The following TGFBR3 variants were observed in gnomAD, a reference collection of about 807,000 sequenced individuals.
TGFBR3 encodes the protein transforming growth factor beta receptor 3.
Under a neutral mutation model 87.9 loss-of-function variants are expected in TGFBR3, and 46 were observed. The ratio of observed to expected loss-of-function variants is 0.52; its 90% CI spans 0.41 to 0.67. The LOEUF is 0.67. Ranked by LOEUF, TGFBR3 falls within the 30% of genes least tolerant of loss-of-function variation. The pLI is 0.00. For synonymous variants in TGFBR3, 381 were observed against 391.6 expected, an observed-to-expected ratio of 0.97 and a Z score of 0.32; for missense variants, 866 against 1,041.9, an observed-to-expected ratio of 0.83 and a Z score of 2.32.
chr1:91,753,390 CAAAAAAAA>C (rs71586711), intron 4 of TGFBR3, among the ~76,000 whole-genome samples: 11 of 52,354 alleles, frequency 2.1e-4, no homozygotes, highest in African/African-American at 8.0e-4. Context: ...ACTCTGTCCT[CAAAAAAAA>C]AAAAAAAAAA....
intron 2 of TGFBR3, among the ~76,000 whole-genome samples, chr1:91,852,333 T>C (rs1297941381): frequency 1.3e-5 from 2 of 152,204 alleles, no homozygotes; most frequent in East Asian, 3.9e-4. Flanking sequence ...AAGGGAATCT[T>C]TGAGAAATGA....
At chr1:91,802,903 C>G (rs933440201) in intron 2 of TGFBR3, among the ~76,000 whole-genome samples, 14 of 152,102 alleles carry the variant, frequency 9.2e-5, no homozygotes, top group African/African-American at 3.4e-4. Flanking sequence ...TGGATTCTCT[C>G]TCTGGCCACT....
intron 12 of TGFBR3, among the ~76,000 whole-genome samples, chr1:91,713,699 A>G (rs11165307): frequency 0.38 from 57,144 of 152,064 alleles, 11,185 homozygotes; most frequent in Non-Finnish European, 0.44. Flanking sequence ...CAACAGTGAA[A>G]ATGCTAATGA....
intron 2 of TGFBR3, among the ~76,000 whole-genome samples, chr1:91,851,124 A>G (rs1677713410): frequency 6.6e-6 from 1 of 152,164 alleles, no homozygotes; most frequent in African/African-American, 2.4e-5. Context: ...AAAATTTTCC[A>G]CATTACACTG....
chr1:91,859,436 G>T (rs2101183670), intron 2 of TGFBR3, among the ~76,000 whole-genome samples: 1 of 149,914 alleles, frequency 6.7e-6, no homozygotes, highest in South Asian at 2.1e-4. Context: ...GTGGGGGTGG[G>T]GGGGTGCATT....
At chr1:91,869,770 G>C (rs1400694055) in intron 1 of TGFBR3, among the ~76,000 whole-genome samples, 1 of 152,220 alleles carries the variant, frequency 6.6e-6, no homozygotes, top group Non-Finnish European at 1.5e-5. Flanking sequence ...AGGAAAAGGA[G>C]GCAGGAGTGC....
At chr1:91,712,609 AC>A in intron 12 of TGFBR3, 67 bp from the exon 13 acceptor site, 1 of 1,488,338 alleles carries the variant, frequency 6.7e-7, no homozygotes, top group Non-Finnish European at 9.3e-7. Context: ...AGGCACAAGG[AC>A]CATATGCCAA....
chr1:91,903,138 A>G (rs1679768502), intron 1 of TGFBR3, among the ~76,000 whole-genome samples: 1 of 151,308 alleles, frequency 6.6e-6, no homozygotes, highest in Non-Finnish European at 1.5e-5. Flanking sequence ...TGGGAGTTTG[A>G]GACCGGCCTG....
intron 4 of TGFBR3, among the ~76,000 whole-genome samples, chr1:91,753,853 T>C (rs1012904721): frequency 2.0e-5 from 3 of 152,230 alleles, no homozygotes; most frequent in Non-Finnish European, 4.4e-5. Flanking sequence ...CATCTGTTGG[T>C]AGACATTTGG....
At chr1:91,763,541 C>T (rs1674053065) in intron 3 of TGFBR3, among the ~76,000 whole-genome samples, 2 of 152,168 alleles carry the variant, frequency 1.3e-5, no homozygotes, top group South Asian at 4.1e-4. Context: ...AACCAAGACC[C>T]ATAAAATCAC....
At position 91,716,377 on chromosome 1, in the gene TGFBR3, C is replaced by A; in HGVS notation, c.1725G>T (p.Gln575His). Residue 575 changes from glutamine to histidine, a missense_variant, in exon 12 of 17, where the codon CAG (glutamine) becomes CAT (histidine). Transcript: ENST00000212355. Reference sequence around the variant, plus strand: ...GGAAGCTGCTGGGGTTCCTCACCTGCTGAAGGCTGCAATTAAACTGGAAAT... The same window carrying A: ...GGAAGCTGCTGGGGTTCCTCACCTGATGAAGGCTGCAATTAAACTGGAAAT... ...PEIVVFNCSLQQVRNPSSFQE... is the reference protein window; with the variant it reads ...PEIVVFNCSLHQVRNPSSFQE... The A allele has an allele frequency of 6.2e-7, 1 of 1,614,138 alleles. No homozygotes were observed. Among genetic ancestry groups the A allele is most frequent in the Non-Finnish European group, 8.5e-7 (1 of 1,180,012 alleles).
chr1:91,776,328 A>C (rs936154424), intron 3 of TGFBR3, among the ~76,000 whole-genome samples: 1 of 152,246 alleles, frequency 6.6e-6, no homozygotes, highest in African/African-American at 2.4e-5. Flanking sequence ...ACACATTACA[A>C]ACAGGTGCTT....
At chr1:91,818,302 T>A (rs1460175026) in intron 2 of TGFBR3, among the ~76,000 whole-genome samples, 2 of 35,168 alleles carry the variant, frequency 5.7e-5, no homozygotes, top group Admixed American at 2.5e-4. Flanking sequence ...TTTTTTTTTT[T>A]TTTTTTTTTT....
rs961192514 is a variant in TGFBR3, at chr1:91,864,438, T to C, written c.-113-2794A>G. 2.6e-5 allele frequency among the ~76,000 whole-genome samples: 4 copies of C among 152,234 alleles called. No homozygotes were observed. The South Asian group carries it at 6.2e-4, about 24-fold the overall frequency. The stretch of plus-strand genomic sequence containing the variant: ...CAAACCACAGCAAGTTTACACCGGA[T>C]CTTAAAACATCTCTGAGGAAGTCCT... On this transcript the variant is annotated intron_variant, in intron 1 of 16. Coordinates refer to ENST00000212355, the MANE Select transcript of TGFBR3 (RefSeq NM_003243.5).
chr1:91,703,039 C>T (rs889454938), intron 14 of TGFBR3, among the ~76,000 whole-genome samples: 23 of 152,032 alleles, frequency 1.5e-4, no homozygotes, highest in African/African-American at 5.5e-4. Context: ...AATGAAACTC[C>T]TTCTCAAAAT....
intron 2 of TGFBR3, among the ~76,000 whole-genome samples, chr1:91,892,244 T>C (rs1312585295): frequency 6.6e-6 from 1 of 152,008 alleles, no homozygotes; most frequent in Non-Finnish European, 1.5e-5. Flanking sequence ...ATCCCTGTGG[T>C]CTTAGCTCCT....
intron 3 of TGFBR3, among the ~76,000 whole-genome samples, chr1:91,778,855 AAG>A (rs1245854393): frequency 2.0e-5 from 3 of 152,206 alleles, no homozygotes; most frequent in Non-Finnish European, 4.4e-5. Context: ...AAAACAGTAA[AAG>A]AGAGTGTGTC....
chr1:91,753,302 A>G (rs1215480245), intron 4 of TGFBR3, among the ~76,000 whole-genome samples: 1 of 143,740 alleles, frequency 7.0e-6, no homozygotes, highest in East Asian at 2.2e-4. Flanking sequence ...AGGCAGGAGG[A>G]TCGCTTGAGC....
chr1:91,681,747 AC>A lies in TGFBR3; in HGVS notation c.*1991del, dbSNP rs1670915630. On this transcript the variant is annotated 3_prime_UTR_variant, in exon 17 of 17. Coordinates refer to ENST00000212355, the MANE Select transcript of TGFBR3 (RefSeq NM_003243.5). ...TTGTAGTAAAATATAGCTATAAGTG[AC>A]TTAAAGACTCTAGTCTTCTTTGAAG... 1 of 439,260 alleles carries A rather than the reference AC, an allele frequency of 2.3e-6. No individual in the cohort carries two copies. Among genetic ancestry groups the A allele is most frequent in the Non-Finnish European group, 4.5e-6 (1 of 222,622 alleles). The allele number at this position is 439,260 out of a possible 1,614,324, so 27.2% of individuals were successfully genotyped here.
Sources: gnomAD v4.1 joint callset for allele counts (sites outside exome capture counted in the v4.1 genomes callset) on GRCh38, gnomAD v4.1.1 for gene constraint, MANE v1.5 for transcripts, NCBI Gene and HGNC (gene_info 2026-07-23, HGNC 2026-07-21) for gene names.